LRRC8E: variants seen among roughly 807,000 people sequenced by gnomAD.
LRRC8E encodes the protein volume-regulated anion channel subunit LRRC8E.
A neutral mutation model predicts 6.1 loss-of-function variants in LRRC8E; 6 were observed. That is an observed-to-expected ratio of 0.98 (90% CI 0.54 to 1.93). LRRC8E has a LOEUF of 1.93. LRRC8E is among the 30% of genes most tolerant of loss of function. The pLI, the probability that LRRC8E is intolerant of heterozygous loss-of-function variation, is 0.01. For missense variants in LRRC8E, 1,028 were observed against 1,031.4 expected (o/e 1.00, Z 0.04); for synonymous variants, 485 against 472.8 (o/e 1.03, Z -0.33).
At chr19:7,898,338 TC>T (rs1981713884) in intron 2 of LRRC8E, among the ~76,000 whole-genome samples, 1 of 150,800 alleles carries the variant, frequency 6.6e-6, no homozygotes, top group African/African-American at 2.4e-5. Context: ...TTTTTCCCCA[TC>T]CCCCTCATTT....
rs1982032857 is a variant in LRRC8E at position 7,901,722 on chromosome 19, A to T, written c.*809A>T. The T allele has an allele frequency of 1.3e-5, 2 of 151,968 alleles. No homozygotes were observed. The allele number at this position is 151,968 out of a possible 1,614,324, so 9.4% of individuals were successfully genotyped here. A position where few individuals can be genotyped will look rare whatever the true frequency, so the allele number is the denominator to read the frequency against. Reference sequence around the variant, plus strand: ...CGAGACCCCACCTCTGCCAAAAAAAAAAAAAATAGGGTATCCAAATATCTA... The same window carrying T: ...CGAGACCCCACCTCTGCCAAAAAAATAAAAAATAGGGTATCCAAATATCTA... On this transcript the variant is annotated 3_prime_UTR_variant, in exon 3 of 3. Transcript: ENST00000306708.
At position 7,895,409 on chromosome 19, in the gene LRRC8E, G is replaced by A; in HGVS notation, c.-5-190G>A. 1.6e-6 allele frequency: 1 copy of A among 639,634 alleles called. No homozygotes were observed. The highest frequency in any genetic ancestry group is 2.7e-6 in the Non-Finnish European group (1 of 370,572). The allele number at this position is 639,634 out of a possible 1,614,324, so 39.6% of individuals were successfully genotyped here. On this transcript the variant is annotated intron_variant, in intron 1 of 2. Coordinates refer to ENST00000306708, the MANE Select transcript of LRRC8E (RefSeq NM_025061.6). This position sits in a 1 kb window ranked among gnomAD's most constrained non-coding sequence, Gnocchi z 4.7. The stretch of plus-strand genomic sequence containing the variant: ...GTGGCCGCTTGGTTCTGGGCAGGTG[G>A]TGACGTCTGCATGGAGGGTGACTAA...
At chr19:7,896,971 G>A (rs904734302) in intron 2 of LRRC8E, among the ~76,000 whole-genome samples, 1 of 152,134 alleles carries the variant, frequency 6.6e-6, no homozygotes, top group Admixed American at 6.5e-5. Flanking sequence ...TGTTACTTCT[G>A]TTGTAACAAA....
chr19:7,900,233 C>G lies in LRRC8E; in HGVS notation c.1711C>G (p.Arg571Gly). The change falls in exon 3 of 3, where the codon CGT (arginine) becomes GGT (glycine). Residue 571 changes from arginine to glycine, a missense_variant. Transcript: ENST00000306708. The surrounding 1 kb of genome is among the most constrained non-coding windows in gnomAD (Gnocchi z 5.0). ...QRLSLHNDGA[R>G]LVALNSLKKL... is the part of the protein sequence containing the mutation. ...GCTCAGCCTGCACAACGATGGGGCC[C>G]GTCTGGTTGCCCTGAACAGCCTCAA... 6.2e-7 allele frequency: 1 copy of G among 1,613,226 alleles called. No homozygotes were observed. The highest frequency in any genetic ancestry group is 8.5e-7 in the Non-Finnish European group (1 of 1,180,016).
Position 7,895,412 on chromosome 19 carries a change from A to G in LRRC8E, c.-5-187A>G. ...GCCGCTTGGTTCTGGGCAGGTGGTG[A>G]CGTCTGCATGGAGGGTGACTAAGGC... On this transcript the variant is annotated intron_variant, in intron 1 of 2. Transcript: ENST00000306708. This position sits in a 1 kb window ranked among gnomAD's most constrained non-coding sequence, Gnocchi z 4.7. 1.6e-6 allele frequency: 1 copy of G among 645,152 alleles called. No homozygotes were observed. Among genetic ancestry groups the G allele is most frequent in the Non-Finnish European group, 2.7e-6 (1 of 375,284 alleles). The allele number at this position is 645,152 out of a possible 1,614,324, so 40.0% of individuals were successfully genotyped here. A position where few individuals can be genotyped will look rare whatever the true frequency, so the allele number is the denominator to read the frequency against.
Position 7,895,493 on chromosome 19 carries a change from G to C in LRRC8E, c.-5-106G>C, listed in dbSNP as rs930286668. Reference sequence around the variant, plus strand: ...TTGGTGGTTTGGACAAGTTTGGGCAGGGAGGGTCACAGGCCTGCCTGTGTC... The same window carrying C: ...TTGGTGGTTTGGACAAGTTTGGGCACGGAGGGTCACAGGCCTGCCTGTGTC... On this transcript the variant is annotated intron_variant, in intron 1 of 2. Coordinates refer to ENST00000306708, the MANE Select transcript of LRRC8E (RefSeq NM_025061.6). This position sits in a 1 kb window ranked among gnomAD's most constrained non-coding sequence, Gnocchi z 4.7. The C allele has an allele frequency of 7.0e-7, 1 of 1,427,188 alleles. No individual in the cohort carries two copies. Among genetic ancestry groups the C allele is most frequent in the Non-Finnish European group, 9.7e-7 (1 of 1,033,834 alleles). The allele number at this position is 1,427,188 out of a possible 1,614,324, so 88.4% of individuals were successfully genotyped here.
In LRRC8E at chr19:7,898,858, C is replaced by G. The variant is rs142411102; in HGVS notation, c.336C>G (p.His112Gln). The G allele has an allele frequency of 1.2e-6, 2 of 1,614,230 alleles. No homozygotes were observed. The highest frequency in any genetic ancestry group is 2.2e-5 in the East Asian group (1 of 44,892). Residue 112 changes from histidine (H) to glutamine (Q), a missense_variant, in exon 3 of 3, where the codon CAC becomes CAG. Physicochemically the swap from His to Gln is conservative, Grantham distance 24. Transcript: ENST00000306708. ...INQLCYETAL[H>Q]WYAKYFPYLV... ...AGCTGTGTTATGAGACGGCCCTGCACTGGTATGCCAAGTACTTCCCTTACC... is the reference window on the plus strand; with the variant it reads ...AGCTGTGTTATGAGACGGCCCTGCAGTGGTATGCCAAGTACTTCCCTTACC...
Position 7,900,887 on chromosome 19 carries a change from G to T in LRRC8E, c.2365G>T (p.Val789Leu). The change falls in exon 3 of 3, where the codon GTG (valine) becomes TTG (leucine). Residue 789 changes from valine to leucine, a missense_variant. Coordinates refer to ENST00000306708, the MANE Select transcript of LRRC8E (RefSeq NM_025061.6). This position sits in a 1 kb window ranked among gnomAD's most constrained non-coding sequence, Gnocchi z 5.0. ...DTLYQGLPAEVRDKMEEE is the reference protein window; with the variant it reads ...DTLYQGLPAELRDKMEEE Reference sequence around the variant, plus strand: ...GCTTTACCAGGGTCTGCCGGCAGAAGTGCGGGACAAGATGGAGGAGGAATG... The same window carrying T: ...GCTTTACCAGGGTCTGCCGGCAGAATTGCGGGACAAGATGGAGGAGGAATG... 2.0e-6 allele frequency: 3 copies of T among 1,528,290 alleles called. No individual in the cohort carries two copies. Among genetic ancestry groups the T allele is most frequent in the Non-Finnish European group, 2.6e-6 (3 of 1,140,302 alleles). The allele number at this position is 1,528,290 out of a possible 1,614,324, so 94.7% of individuals were successfully genotyped here. A position where few individuals can be genotyped will look rare whatever the true frequency, so the allele number is the denominator to read the frequency against.
chr19:7,897,685 G>T (rs988957918), intron 2 of LRRC8E, among the ~76,000 whole-genome samples: 1 of 143,058 alleles, frequency 7.0e-6, no homozygotes, highest in African/African-American at 2.5e-5. Context: ...GTATCCTCAC[G>T]TCATCTTCTG....
chr19:7,899,157 A>T lies in LRRC8E; in HGVS notation c.635A>T (p.Lys212Met). The part of the protein sequence containing the change: ...EKEKVLAEPE[K>M]VVTEPPVVTL... Reference sequence around the variant, plus strand: ...GAGAAAGTGCTGGCGGAACCGGAGAAGGTGGTGACCGAGCCTCCAGTTGTC... The same window carrying T: ...GAGAAAGTGCTGGCGGAACCGGAGATGGTGGTGACCGAGCCTCCAGTTGTC... Residue 212 changes from lysine (K) to methionine (M), a missense_variant, in exon 3 of 3, where the codon AAG (lysine) becomes ATG (methionine). By Grantham distance (95) the Lys-to-Met change is moderately conservative (BLOSUM62 -1). Coordinates refer to ENST00000306708, the MANE Select transcript of LRRC8E (RefSeq NM_025061.6). 6.2e-7 allele frequency: 1 copy of T among 1,613,934 alleles called. No homozygotes were observed. Among genetic ancestry groups the T allele is most frequent in the South Asian group, 1.1e-5 (1 of 91,086 alleles).
In LRRC8E at chr19:7,900,798, C is replaced by T. The variant is rs778938007; in HGVS notation, c.2276C>T (p.Ala759Val). The T allele has an allele frequency of 4.4e-6, 7 of 1,600,862 alleles. No individual in the cohort carries two copies. Among genetic ancestry groups the T allele is most frequent in the Non-Finnish European group, 6.0e-6 (7 of 1,172,456 alleles). The change falls in exon 3 of 3, where the codon GCG becomes GTG. Residue 759 changes from alanine (A) to valine (V), a missense_variant. Ala to Val is a moderately conservative substitution (Grantham distance 64, BLOSUM62 0). Coordinates refer to ENST00000306708, the MANE Select transcript of LRRC8E (RefSeq NM_025061.6). The surrounding 1 kb of genome is among the most constrained non-coding windows in gnomAD (Gnocchi z 5.0). ...RLELKGNRLEALPEELGNCGG... is the reference protein window; with the variant it reads ...RLELKGNRLEVLPEELGNCGG... ...GAGCTCAAAGGCAACCGCTTAGAGG[C>T]GCTGCCAGAAGAACTTGGCAACTGT...
chr19:7,891,232 C>A (rs1324704436), intron 1 of LRRC8E, among the ~76,000 whole-genome samples: 1 of 152,162 alleles, frequency 6.6e-6, no homozygotes, highest in Non-Finnish European at 1.5e-5. Context: ...TGAGCGTATA[C>A]GTCCCATCGT....
In LRRC8E at chr19:7,900,758, G is replaced by A. The variant is rs1293676550; in HGVS notation, c.2236G>A (p.Ala746Thr). The change falls in exon 3 of 3, where the codon GCC becomes ACC. Residue 746 changes from alanine (A) to threonine (T), a missense_variant. Ala to Thr is a moderately conservative substitution (Grantham distance 58). Coordinates refer to ENST00000306708, the MANE Select transcript of LRRC8E (RefSeq NM_025061.6). The surrounding 1 kb of genome is among the most constrained non-coding windows in gnomAD (Gnocchi z 5.0). ...CTCGCCCCACGTGGGTGCCCTCAGA[G>A]CCCTCAGCCGCCTGGAGCTCAAAGG... is the stretch of plus-strand genomic sequence containing the variant. Reference protein sequence around the residue: ...QLSPHVGALRALSRLELKGNR... With the variant: ...QLSPHVGALRTLSRLELKGNR... 5.6e-6 allele frequency: 9 copies of A among 1,611,366 alleles called. No homozygotes were observed. The East Asian group carries it at 2.0e-4, about 36-fold the overall frequency.
At chr19:7,890,863 A>C (rs1981270625) in intron 1 of LRRC8E, among the ~76,000 whole-genome samples, 2 of 152,030 alleles carry the variant, frequency 1.3e-5, no homozygotes, top group Admixed American at 6.6e-5. Flanking sequence ...ACTCCAGCTA[A>C]TTTTGTATTT....
At chr19:7,898,628 G>C (rs1568265693) in intron 2 of LRRC8E, 33 bp from the exon 3 acceptor site, 1 of 1,557,312 alleles carries the variant, frequency 6.4e-7, no homozygotes. Context: ...CAAAGTGCTA[G>C]GATTACAGCC....
intron 2 of LRRC8E, among the ~76,000 whole-genome samples, chr19:7,897,630 A>G (rs1462466686): frequency 7.2e-6 from 1 of 139,440 alleles, no homozygotes; most frequent in Non-Finnish European, 1.6e-5. Flanking sequence ...TGCCTCCCAA[A>G]TCACTGGGAT....
At chr19:7,897,262 C>G (rs547350164) in intron 2 of LRRC8E, among the ~76,000 whole-genome samples, 1 of 151,748 alleles carries the variant, frequency 6.6e-6, no homozygotes, top group Non-Finnish European at 1.5e-5. Context: ...CTCCGCCTCC[C>G]GGGTTCCAAC....
In LRRC8E at chr19:7,900,373, G is replaced by A. The variant is rs758294435; in HGVS notation, c.1851G>A (p.Leu617=). 7 of 1,612,948 alleles carry A rather than the reference G, an allele frequency of 4.3e-6. No individual in the cohort carries two copies. Among genetic ancestry groups the A allele is most frequent in the Non-Finnish European group, 4.2e-6 (5 of 1,179,892 alleles). Residue 617 remains leucine, a synonymous_variant, in exon 3 of 3, where the codon CTG becomes CTA. Transcript: ENST00000306708. The surrounding 1 kb of genome is among the most constrained non-coding windows in gnomAD (Gnocchi z 5.0). The stretch of plus-strand genomic sequence containing the variant: ...AACTTGACCTCAAGGACAACCACCT[G>A]CGCTCCATCGAGGAAATCCTCAGCT... The part of the protein sequence containing the change: ...LQELDLKDNH[L]RSIEEILSFQ...
At chr19:7,896,381 C>G (rs1023900933) in intron 2 of LRRC8E, among the ~76,000 whole-genome samples, 1 of 150,808 alleles carries the variant, frequency 6.6e-6, no homozygotes, top group African/African-American at 2.4e-5. Context: ...TGAGACCAGC[C>G]TGGCCAACAC....
Sources: allele counts gnomAD v4.1 joint callset (sites outside exome capture counted in the v4.1 genomes callset), GRCh38; gene constraint gnomAD v4.1.1; non-coding constraint Gnocchi (gnomAD v3.1); transcripts MANE v1.5; gene names NCBI Gene and HGNC (gene_info 2026-07-23, HGNC 2026-07-21).